Variants in RAB33B observed in about 807,000 individuals in gnomAD.
RAB33B encodes ras-related protein Rab-33B.
In RAB33B, 6 loss-of-function variants were observed where a neutral mutation model predicts 15.0. The observed-to-expected ratio is 0.40, with a 90% CI of 0.22 to 0.79. RAB33B has a LOEUF of 0.79. Among genes scored for constraint, RAB33B ranks in the 30% least tolerant of loss-of-function variants. The pLI is 0.37. For missense variants in RAB33B, 257 were observed against 296.4 expected (o/e 0.87, Z 0.98); for synonymous variants, 117 against 108.3 (o/e 1.08, Z -0.50).
chr4:139,451,764 T>A (rs1466111404), upstream of RAB33B: 1 of 152,180 alleles, frequency 6.6e-6, no homozygotes, highest in Non-Finnish European at 1.5e-5. Context: ...ATTGAAATTG[T>A]TCCATTTTAA....
chr4:139,461,280 G>A (rs562246593), intron 1 of RAB33B, among the ~76,000 whole-genome samples: 1 of 152,254 alleles, frequency 6.6e-6, no homozygotes, highest in South Asian at 2.1e-4. Context: ...GCAGGGGAGG[G>A]CCGATTCCCA....
Position 139,473,287 on chromosome 4 carries a change from C to A in RAB33B, c.*161C>A. On this transcript the variant is annotated 3_prime_UTR_variant, in exon 2 of 2. Coordinates refer to ENST00000305626, the MANE Select transcript of RAB33B (RefSeq NM_031296.3). ...GTATTTTGTATCTACTTAAGTTTGT[C>A]ACTGTGACAACACAGGAAAAGTTGG... 1.5e-6 allele frequency: 1 copy of A among 680,468 alleles called. No individual in the cohort carries two copies. 42.2% of individuals were successfully genotyped at this position (680,468 alleles called of 1,614,324 possible).
At chr4:139,455,311 G>A (rs1750048178) in intron 1 of RAB33B, among the ~76,000 whole-genome samples, 1 of 152,136 alleles carries the variant, frequency 6.6e-6, no homozygotes, top group African/African-American at 2.4e-5. Context: ...GCCACCTGTT[G>A]ATGCCACTCC....
At chr4:139,462,896 C>CTA (rs1561004695) in intron 1 of RAB33B, among the ~76,000 whole-genome samples, 1 of 152,098 alleles carries the variant, frequency 6.6e-6, no homozygotes, top group Non-Finnish European at 1.5e-5. Context: ...AGAATTTGGG[C>CTA]CAGGTGCCAT....
At chr4:139,460,531 A>G (rs1314747353) in intron 1 of RAB33B, among the ~76,000 whole-genome samples, 1 of 152,192 alleles carries the variant, frequency 6.6e-6, no homozygotes, top group African/African-American at 2.4e-5. Context: ...TTTATAAGTC[A>G]AAAAATATTT....
intron 1 of RAB33B, among the ~76,000 whole-genome samples, chr4:139,458,569 G>A (rs112302086): frequency 0.04 from 6,067 of 152,302 alleles, 178 homozygotes; most frequent in Non-Finnish European, 0.065. Flanking sequence ...CCGGCTCCAT[G>A]TTGCTGCAAA....
Position 139,454,450 on chromosome 4 carries a change from C to G in RAB33B, c.249+6C>G. 1.2e-6 allele frequency: 2 copies of G among 1,605,392 alleles called. No homozygotes were observed. The highest frequency in any genetic ancestry group is 1.7e-6 in the Non-Finnish European group (2 of 1,179,560). On this transcript the variant is annotated splice_donor_region_variant and intron_variant, in intron 1 of 1. Transcript: ENST00000305626. ...TTGATGGGGAGCGCATCAAGGTGAG[C>G]GGATGGGGAACTGTTGGGGAGGACA...
At chr4:139,465,722 C>CTTTTTTTTTTTTT (rs375295002) in intron 1 of RAB33B, among the ~76,000 whole-genome samples, 2 of 133,236 alleles carry the variant, frequency 1.5e-5, no homozygotes, top group Non-Finnish European at 3.2e-5. Flanking sequence ...TCTTCTTCTT[C>CTTTTTTTTTTTTT]TTTTTTTTTT....
Position 139,473,368 on chromosome 4 carries a change from A to G in RAB33B, c.*242A>G, listed in dbSNP as rs1013355220. 4.1e-6 allele frequency: 2 copies of G among 483,798 alleles called. No individual in the cohort carries two copies. The highest frequency in any genetic ancestry group is 1.9e-5 in the African/African-American group (1 of 51,848). The allele number at this position is 483,798 out of a possible 1,614,324, so 30.0% of individuals were successfully genotyped here. On this transcript the variant is annotated 3_prime_UTR_variant, in exon 2 of 2. Transcript: ENST00000305626. ...ATAGGATGAATCTGAACATCTCTCC[A>G]TCTAGAGCCCAATGAAGGAAGCTTC...
chr4:139,453,478 C>A (rs1212936594), upstream of RAB33B: 3 of 152,430 alleles, frequency 2.0e-5, no homozygotes, highest in East Asian at 3.8e-4. Flanking sequence ...CCGCACAGGG[C>A]AAGCTTTCGG....
At chr4:139,439,312 C>T in the RAB33B span, among the ~76,000 whole-genome samples, 1 of 152,146 alleles carries the variant, frequency 6.6e-6, no homozygotes, top group Non-Finnish European at 1.5e-5. Flanking sequence ...ATATGGAATT[C>T]TTGATTGATA....
the RAB33B span, among the ~76,000 whole-genome samples, chr4:139,442,317 A>G: frequency 0.14 from 20,850 of 152,216 alleles, 1,752 homozygotes; most frequent in Non-Finnish European, 0.19. Flanking sequence ...AAAATTGTCT[A>G]TTACTTCCCT....
intron 1 of RAB33B, 62 bp from the exon 2 acceptor site, chr4:139,472,624 T>C: frequency 2.5e-6 from 3 of 1,186,188 alleles, no homozygotes; most frequent in Non-Finnish European, 3.6e-6. Flanking sequence ...GATGATTACA[T>C]TTCTTGATAT....
At chr4:139,470,957 C>G (rs1363848586) in intron 1 of RAB33B, among the ~76,000 whole-genome samples, 1 of 152,122 alleles carries the variant, frequency 6.6e-6, no homozygotes. Context: ...CTCCTCTCCT[C>G]AAATGGAGGG....
At position 139,475,827 on chromosome 4, in the gene RAB33B, C is replaced by G. The variant is rs976545403; in HGVS notation, c.*2701C>G. Reference sequence around the variant, plus strand: ...AAAGTATATTGCAAATACATGTTTCCTCATGAAATCTAAGTAATTTTGTTG... The same window carrying G: ...AAAGTATATTGCAAATACATGTTTCGTCATGAAATCTAAGTAATTTTGTTG... On this transcript the variant is annotated 3_prime_UTR_variant, in exon 2 of 2. Transcript: ENST00000305626. The G allele has an allele frequency of 6.6e-6, 1 of 152,112 alleles. No homozygotes were observed. Among genetic ancestry groups the G allele is most frequent in the African/African-American group, 2.4e-5 (1 of 41,420 alleles). 9.4% of individuals were successfully genotyped at this position (152,112 alleles called of 1,614,324 possible). A position where few individuals can be genotyped will look rare whatever the true frequency, so the allele number is the denominator to read the frequency against.
the RAB33B span, among the ~76,000 whole-genome samples, chr4:139,438,791 C>A: frequency 6.6e-6 from 1 of 152,196 alleles, no homozygotes; most frequent in Non-Finnish European, 1.5e-5. Context: ...ACCATTGTTA[C>A]AATAATACTA....
At chr4:139,446,054 G>T in the RAB33B span, among the ~76,000 whole-genome samples, 2 of 152,176 alleles carry the variant, frequency 1.3e-5, no homozygotes, top group Non-Finnish European at 2.9e-5. Flanking sequence ...CGTAAAGTGG[G>T]TCATGCACAG....
At chr4:139,471,927 A>T in intron 1 of RAB33B, among the ~76,000 whole-genome samples, 1 of 152,066 alleles carries the variant, frequency 6.6e-6, no homozygotes, top group East Asian at 1.9e-4. Context: ...CATTTTTTGC[A>T]TGTTGTCCAG....
the RAB33B span, among the ~76,000 whole-genome samples, chr4:139,443,351 A>T: frequency 6.6e-6 from 1 of 152,160 alleles, no homozygotes; most frequent in Admixed American, 6.6e-5. Flanking sequence ...CTGATTCACC[A>T]CTTGTGAGAG....
Sources: allele counts gnomAD v4.1 joint callset (sites outside exome capture counted in the v4.1 genomes callset), GRCh38; gene constraint gnomAD v4.1.1; transcripts MANE v1.5; gene names NCBI Gene and HGNC (gene_info 2026-07-23, HGNC 2026-07-21).